The following CCDC7 variants were observed in gnomAD, a reference collection of about 807,000 sequenced individuals.
CCDC7 encodes coiled-coil domain-containing protein 7.
A neutral mutation model predicts 196.9 loss-of-function variants in CCDC7; 183 were observed. That is an observed-to-expected ratio of 0.93 (90% CI 0.82 to 1.05). CCDC7 has a LOEUF of 1.05. Among genes scored for constraint, CCDC7 ranks in the 50% least tolerant of loss-of-function variants. The pLI is 0.00. For missense variants in CCDC7, 1,540 were observed against 1,482.2 expected (o/e 1.04, Z -0.64); for synonymous variants, 525 against 484.6 (o/e 1.08, Z -1.10).
At chr10:32,524,379 T>A (rs1363311642) in intron 11 of CCDC7, among the ~76,000 whole-genome samples, 4 of 152,236 alleles carry the variant, frequency 2.6e-5, no homozygotes, top group Non-Finnish European at 5.9e-5. Flanking sequence ...GTTTTATCAC[T>A]GAGTCTTTTT....
At chr10:32,538,999 AG>A (rs2050965775) in intron 11 of CCDC7, among the ~76,000 whole-genome samples, 3 of 152,192 alleles carry the variant, frequency 2.0e-5, no homozygotes, top group African/African-American at 7.2e-5. Flanking sequence ...CTGGCCTCAT[AG>A]AATGAGTTAG....
chr10:32,613,140 T>G (rs756861799), intron 18 of CCDC7, among the ~76,000 whole-genome samples: 5 of 152,098 alleles, frequency 3.3e-5, no homozygotes, highest in Admixed American at 6.6e-5. Context: ...TTTTCCTGGT[T>G]TAGTCTTGGG....
chr10:32,835,902 T>A (rs983780138), intron 33 of CCDC7, among the ~76,000 whole-genome samples: 5 of 152,080 alleles, frequency 3.3e-5, no homozygotes, highest in Non-Finnish European at 1.5e-5. Context: ...GAGAGGAAAG[T>A]TGCCTTAAAT....
At chr10:32,846,589 T>G (rs893772882) in intron 37 of CCDC7, 130 bp downstream of exon 38, 1 of 560,508 alleles carries the variant, frequency 1.8e-6, no homozygotes, top group Non-Finnish European at 3.2e-6. Context: ...ATCATGAATA[T>G]CCTTTAATTA....
rs141915884 is a variant in CCDC7, at chr10:32,799,800, A to G, written c.3014-5215A>G. Among the ~76,000 whole-genome samples the G allele has an allele frequency of 1.8e-3, 275 of 152,336 alleles. 1 individual carries two copies. The East Asian group carries it at 0.029, about 16-fold the overall frequency. ...GGATCCAATCAGCATAATGTCATCA[A>G]TATAATGGACCAGTGTGATATCTTG... On this transcript the variant is annotated intron_variant, in intron 29 of 41. Transcript: ENST00000639629.
chr10:32,600,791 A>G (rs534969167), intron 18 of CCDC7, among the ~76,000 whole-genome samples: 8 of 152,120 alleles, frequency 5.3e-5, no homozygotes, highest in Non-Finnish European at 1.0e-4. Context: ...TGGCTTTTGT[A>G]TTTGTCTACA....
intron 29 of CCDC7, among the ~76,000 whole-genome samples, chr10:32,794,810 T>C (rs1166768822): frequency 6.6e-6 from 1 of 152,202 alleles, no homozygotes; most frequent in African/African-American, 2.4e-5. Flanking sequence ...CCTTATAGAT[T>C]ATGGATATTA....
At chr10:32,683,020 T>C (rs1470008868) in intron 21 of CCDC7, among the ~76,000 whole-genome samples, 1 of 152,208 alleles carries the variant, frequency 6.6e-6, no homozygotes, top group Non-Finnish European at 1.5e-5. Context: ...TTGTTAATTT[T>C]TGTTTTTATT....
intron 24 of CCDC7, among the ~76,000 whole-genome samples, chr10:32,698,507 A>G (rs1206233538): frequency 6.6e-6 from 1 of 152,214 alleles, no homozygotes; most frequent in Non-Finnish European, 1.5e-5. Context: ...AGAAGACCTT[A>G]AATAACCTGG....
rs772678414 is a variant in CCDC7 at position 32,673,653 on chromosome 10, A to ATGTGTGTGTG, written c.2122+9492_2122+9493insTGTGTGTGTG. ...AATTTATTAGTTCTAACCATTGTGC[A>ATGTGTGTGTG]CGTGTGTGTGTGTGTGTGTGTGTGT... On this transcript the variant is annotated intron_variant, in intron 21 of 41. Coordinates refer to ENST00000639629, the Ensembl canonical transcript of CCDC7. 4.7e-3 allele frequency among the ~76,000 whole-genome samples: 567 copies of ATGTGTGTGTG among 120,682 alleles called. 2 individuals carry two copies. The highest frequency in any genetic ancestry group is 7.1e-3 in the Admixed American group (90 of 12,682). The allele number at this position is 120,682 out of a possible 152,430, so 79.2% of individuals were successfully genotyped here.
At chr10:32,514,419 G>A (rs990113686) in intron 9 of CCDC7, 1 of 152,214 alleles carries the variant, frequency 6.6e-6, no homozygotes, top group Non-Finnish European at 1.5e-5. Context: ...ACAGAGACTG[G>A]ATTTATTCTG....
At chr10:32,845,071 T>C (rs2093202323) in intron 33 of CCDC7, among the ~76,000 whole-genome samples, 172 bp from the exon 35 acceptor site, 1 of 151,840 alleles carries the variant, frequency 6.6e-6, no homozygotes, top group African/African-American at 2.4e-5. Context: ...GGTTTATTCA[T>C]ATTCCCGGAG....
chr10:32,580,563 G>A (rs946624015), intron 16 of CCDC7, among the ~76,000 whole-genome samples: 1 of 151,942 alleles, frequency 6.6e-6, no homozygotes, highest in African/African-American at 2.4e-5. Context: ...TTAGAATCAT[G>A]TTAGTTTGTA....
At chr10:32,480,250 CT>C (rs951077030) in intron 8 of CCDC7, among the ~76,000 whole-genome samples, 18 of 151,508 alleles carry the variant, frequency 1.2e-4, no homozygotes, top group Non-Finnish European at 2.2e-4. Context: ...TCAGTTTGTT[CT>C]TTTTCTAGTT....
chr10:32,855,053 A>G (rs1386984599), intron 41 of CCDC7, among the ~76,000 whole-genome samples: 1 of 152,208 alleles, frequency 6.6e-6, no homozygotes, highest in African/African-American at 2.4e-5. Context: ...CCTATTTCCA[A>G]GCACCTAAGC....
intron 26 of CCDC7, among the ~76,000 whole-genome samples, chr10:32,727,463 C>A (rs16933660): frequency 6.6e-6 from 1 of 151,888 alleles, no homozygotes; most frequent in Non-Finnish European, 1.5e-5. Flanking sequence ...AAAAGATAGG[C>A]GACTGCACAT....
At chr10:32,808,488 T>C (rs2135257222) in intron 30 of CCDC7, among the ~76,000 whole-genome samples, 1 of 152,300 alleles carries the variant, frequency 6.6e-6, no homozygotes, top group East Asian at 1.9e-4. Flanking sequence ...CTTGGGAGCC[T>C]GTGGGTTGTT....
intron 9 of CCDC7, among the ~76,000 whole-genome samples, chr10:32,501,951 TC>T (rs1564474845): frequency 6.6e-6 from 1 of 152,234 alleles, no homozygotes; most frequent in East Asian, 1.9e-4. Flanking sequence ...AGTCGCCCCT[TC>T]CCCCAGGTGC....
chr10:32,562,266 A>G (rs2055843637), intron 13 of CCDC7, among the ~76,000 whole-genome samples: 2 of 152,208 alleles, frequency 1.3e-5, no homozygotes, highest in Admixed American at 6.5e-5. Context: ...ATTCCAATCA[A>G]TAGAAAAAGA....
Sources: gnomAD v4.1 joint callset for allele counts (sites outside exome capture counted in the v4.1 genomes callset) on GRCh38, gnomAD v4.1.1 for gene constraint, MANE v1.5 for transcripts, NCBI Gene and HGNC (gene_info 2026-07-23, HGNC 2026-07-21) for gene names.